Variants in TTC3 observed in about 807,000 individuals in gnomAD.
TTC3 encodes the protein E3 ubiquitin-protein ligase TTC3.
A neutral mutation model predicts 249.6 loss-of-function variants in TTC3; 180 were observed. The ratio of observed to expected loss-of-function variants is 0.72; its 90% CI spans 0.64 to 0.82. The LOEUF is 0.82. Ranked by LOEUF, TTC3 falls within the 40% of genes least tolerant of loss-of-function variation. The pLI is 0.00. For synonymous variants in TTC3, 717 were observed against 805.0 expected, an observed-to-expected ratio of 0.89 and a Z score of 1.85; for missense variants, 2,061 against 2,398.4, an observed-to-expected ratio of 0.86 and a Z score of 2.94.
chr21:37,114,926 G>T (rs943618083), intron 11 of TTC3, among the ~76,000 whole-genome samples: 184 of 152,022 alleles, frequency 1.2e-3, no homozygotes, highest in African/African-American at 4.1e-3. Flanking sequence ...GCAAACTGTT[G>T]CAGGGACAAA....
intron 17 of TTC3, among the ~76,000 whole-genome samples, chr21:37,134,871 A>G (rs9981876): frequency 0.024 from 3,675 of 152,252 alleles, 82 homozygotes; most frequent in Non-Finnish European, 0.037. Flanking sequence ...TTATATTCAA[A>G]TATATGTTAG....
At chr21:37,144,644 A>G in exon 21 of TTC3, 1 of 1,605,512 alleles carries the variant, frequency 6.2e-7, no homozygotes, top group Admixed American at 1.7e-5. Flanking sequence ...CAAAAAATAA[A>G]GGTAACCATT....
chr21:37,091,339 G>A (rs1261327823), exon 7 of TTC3: 1 of 1,611,552 alleles, frequency 6.2e-7, no homozygotes, highest in Non-Finnish European at 8.5e-7. Context: ...AAATATGCAG[G>A]CGATGTAACA....
At chr21:37,077,800 C>T (rs147331704) in intron 1 of TTC3, among the ~76,000 whole-genome samples, 1,754 of 152,154 alleles carry the variant, frequency 0.012, 17 homozygotes, top group East Asian at 0.03. Context: ...CTGGTAACAT[C>T]GATTATGTGC....
At chr21:37,143,086 A>G (rs1008079482) in intron 20 of TTC3, among the ~76,000 whole-genome samples, 4 of 152,228 alleles carry the variant, frequency 2.6e-5, no homozygotes, top group Admixed American at 6.5e-5. Context: ...ACCTTGTACA[A>G]AAATTAATTC....
chr21:37,143,496 T>A (rs559257886), intron 20 of TTC3, among the ~76,000 whole-genome samples: 10 of 152,000 alleles, frequency 6.6e-5, no homozygotes, highest in Non-Finnish European at 1.5e-4. Context: ...GAAAAAATGC[T>A]CATCATCACT....
At chr21:37,122,056 A>G in intron 12 of TTC3, 77 bp downstream of exon 12, 1 of 1,338,630 alleles carries the variant, frequency 7.5e-7, no homozygotes, top group Non-Finnish European at 1.0e-6. Context: ...TTGGATTAAC[A>G]GAGGACCACA....
rs2075274773 is a variant in TTC3, at chr21:37,108,196, A to C, written c.846-196A>C. The C allele has an allele frequency of 1.0e-5, 5 of 481,082 alleles. No individual in the cohort carries two copies. The South Asian group carries it at 1.8e-4, about 17-fold the overall frequency. The allele number at this position is 481,082 out of a possible 1,614,324, so 29.8% of individuals were successfully genotyped here. On this transcript the variant is annotated intron_variant, in intron 10 of 45. Coordinates refer to ENST00000355666, the Ensembl canonical transcript of TTC3. ...GTAGTTGTGATTGTGACTCTGGGTG[A>C]CTTTTTCCCTTTGTTTTATTTTTCT...
chr21:37,153,376 T>G, intron 27 of TTC3, 99 bp downstream of exon 27: 1 of 1,137,148 alleles, frequency 8.8e-7, no homozygotes, highest in South Asian at 1.7e-5. Flanking sequence ...TTTATAACTT[T>G]AAATGCAGGA....
At chr21:37,129,129 A>C in intron 16 of TTC3, 66 bp downstream of exon 16, 6 of 1,281,838 alleles carry the variant, frequency 4.7e-6, no homozygotes, top group Non-Finnish European at 6.4e-6. Flanking sequence ...AAAGGAAAAA[A>C]AATTGTTTTT....
chr21:37,174,840 T>C (rs1010548362), intron 35 of TTC3, among the ~76,000 whole-genome samples: 5 of 152,038 alleles, frequency 3.3e-5, no homozygotes, highest in African/African-American at 1.2e-4. Flanking sequence ...CCTGGGGTGG[T>C]TGAAAAAGGA....
At chr21:37,198,133 C>A in intron 44 of TTC3, 108 bp downstream of exon 44, 1 of 1,315,732 alleles carries the variant, frequency 7.6e-7, no homozygotes, top group East Asian at 2.6e-5. Context: ...TATTTGATCC[C>A]AACATTAGAA....
chr21:37,088,991 GGTTTTA>G (rs2072894844), intron 5 of TTC3, 105 bp downstream of exon 5: 1 of 1,036,444 alleles, frequency 9.6e-7, no homozygotes, highest in African/African-American at 1.6e-5. Flanking sequence ...AACAGGTAAT[GGTTTTA>G]GTTTTGGTTA....
At chr21:37,124,486 C>T (rs554322333) in intron 13 of TTC3, 133 bp from the exon 14 acceptor site, 2 of 908,550 alleles carry the variant, frequency 2.2e-6, no homozygotes, top group African/African-American at 3.4e-5. Flanking sequence ...AAAGCCCCAT[C>T]TCACAGGTAG....
intron 39 of TTC3, 150 bp downstream of exon 39, chr21:37,188,745 A>C (rs2083608560): frequency 4.2e-6 from 2 of 477,758 alleles, no homozygotes; most frequent in South Asian, 5.0e-5. Flanking sequence ...TAAGACATAC[A>C]AACAAAAATG....
chr21:37,097,407 A>G (rs902925050), intron 10 of TTC3, among the ~76,000 whole-genome samples: 2 of 152,208 alleles, frequency 1.3e-5, no homozygotes, highest in Admixed American at 6.5e-5. Context: ...TCCACACAGT[A>G]GAAGAATATT....
At chr21:37,079,204 C>T (rs992294550) in intron 1 of TTC3, among the ~76,000 whole-genome samples, 7 of 152,070 alleles carry the variant, frequency 4.6e-5, no homozygotes, top group Admixed American at 4.6e-4. Flanking sequence ...CTGTTTATGG[C>T]TAGAATCACT....
At chr21:37,095,540 G>A (rs2073851626) in intron 9 of TTC3, 96 bp downstream of exon 9, 1 of 825,616 alleles carries the variant, frequency 1.2e-6, no homozygotes, top group African/African-American at 1.8e-5. Flanking sequence ...GAATTGGAGA[G>A]TATCTTCCAA....
intron 28 of TTC3, chr21:37,157,203 C>T (rs2085619752): frequency 7.5e-7 from 1 of 1,341,470 alleles, no homozygotes; most frequent in African/African-American, 1.5e-5. Flanking sequence ...GTTACACTGA[C>T]AGAATCTATT....
Sources: allele counts gnomAD v4.1 joint callset (sites outside exome capture counted in the v4.1 genomes callset), GRCh38; gene constraint gnomAD v4.1.1; transcripts MANE v1.5; gene names NCBI Gene and HGNC (gene_info 2026-07-23, HGNC 2026-07-21).